Variants in DMD observed in about 807,000 individuals in gnomAD.
DMD encodes the protein mutant dystrophin.
A neutral mutation model predicts 330.1 loss-of-function variants in DMD; 63 were observed. That is an observed-to-expected ratio of 0.19 (90% CI 0.16 to 0.24). The LOEUF (loss-of-function observed/expected upper bound fraction) is 0.24. Among genes scored for constraint, DMD ranks in the 10% least tolerant of loss-of-function variants. The pLI is 1.00. For synonymous variants in DMD, 1,223 were observed against 959.8 expected (o/e 1.27, Z -5.07); for missense variants, 3,344 against 2,684.1 (o/e 1.25, Z -5.43).
intron 53 of DMD, among the ~76,000 whole-genome samples, chrX:31,666,086 T>C (rs1296723862): frequency 9.0e-6 from 1 of 111,647 alleles, no homozygotes; most frequent in Non-Finnish European, 1.9e-5. Flanking sequence ...GGTGTAGAAA[T>C]GGATGGGTGG....
intron 11 of DMD, among the ~76,000 whole-genome samples, chrX:32,633,200 C>A (rs777480218): frequency 8.9e-6 from 1 of 111,872 alleles, no homozygotes; most frequent in East Asian, 2.8e-4. Context: ...GAAGTGGCCA[C>A]ACAACGTCTT....
At chrX:32,321,782 G>A (rs1008244296) in intron 41 of DMD, among the ~76,000 whole-genome samples, 10 of 111,519 alleles carry the variant, frequency 9.0e-5, no homozygotes, top group African/African-American at 3.3e-4. Context: ...TTTGACTTAG[G>A]CATGAGAGAA....
intron 60 of DMD, among the ~76,000 whole-genome samples, chrX:31,440,196 G>A (rs190570885): frequency 5.4e-4 from 57 of 105,156 alleles, no homozygotes; most frequent in African/African-American, 1.7e-3. Context: ...TGCCCAGGCT[G>A]GAGTGCAGTG....
chrX:32,236,306 T>G (rs945212963), intron 43 of DMD, among the ~76,000 whole-genome samples: 9 of 112,492 alleles, frequency 8.0e-5, no homozygotes, highest in African/African-American at 1.6e-4. Context: ...TGGTAGGACA[T>G]GCCATCCTCA....
In DMD at chrX:32,305,760, C is replaced by G. The variant is rs140358473; in HGVS notation, c.6117+4322G>C. On this transcript the variant is annotated intron_variant, in intron 42 of 78. Coordinates refer to ENST00000357033, the MANE Select transcript of DMD (RefSeq NM_004006.3). ...AATGGCCCCAAAGGCCCTCCACAAT[C>G]TGGACACTCACAACTCCCATATCCT... Among the ~76,000 whole-genome samples, 618 of 111,329 alleles carry G rather than the reference C, an allele frequency of 5.6e-3. 5 individuals carry two copies. Among genetic ancestry groups the G allele is most frequent in the Non-Finnish European group, 7.7e-3 (408 of 52,886 alleles).
chrX:32,422,294 G>C (rs2098193298), intron 29 of DMD, among the ~76,000 whole-genome samples: 2 of 111,434 alleles, frequency 1.8e-5, no homozygotes, highest in South Asian at 7.5e-4. Flanking sequence ...TCCAAATACA[G>C]TTCTCAGCCT....
At chrX:32,804,104 G>T (rs779736768) in intron 7 of DMD, among the ~76,000 whole-genome samples, 16 of 111,013 alleles carry the variant, frequency 1.4e-4, no homozygotes, top group Non-Finnish European at 2.7e-4. Context: ...ACCCAGTGGT[G>T]CCTGGAACGC....
At chrX:32,888,648 C>T (rs763417074) in intron 2 of DMD, among the ~76,000 whole-genome samples, 1 of 111,779 alleles carries the variant, frequency 8.9e-6, no homozygotes, top group African/African-American at 3.3e-5. Context: ...ATCCAGCAAT[C>T]TCACTACTGG....
chrX:32,845,731 C>G (rs1409882200), intron 3 of DMD, among the ~76,000 whole-genome samples: 1 of 112,118 alleles, frequency 8.9e-6, no homozygotes, highest in Non-Finnish European at 1.9e-5. Context: ...ACAAAGCTGA[C>G]TGCCTGGGTT....
rs145065491 is a variant in DMD at position 32,971,434 on chromosome X, C to G, written c.93+48705G>C. Among the ~76,000 whole-genome samples the G allele has an allele frequency of 4.3e-3, 477 of 110,789 alleles. 2 individuals carry two copies. Among genetic ancestry groups the G allele is most frequent in the African/African-American group, 0.015 (454 of 30,227 alleles). On this transcript the variant is annotated intron_variant, in intron 2 of 78. Coordinates refer to ENST00000357033, the MANE Select transcript of DMD (RefSeq NM_004006.3). ...GTGGCATGTGAAGAAAAAACAGTCA[C>G]TTTGGGCCGAAAATTTCAGGGAAAA...
intron 2 of DMD, among the ~76,000 whole-genome samples, chrX:32,900,724 T>C (rs1347411904): frequency 9.0e-6 from 1 of 111,160 alleles, no homozygotes; most frequent in Non-Finnish European, 1.9e-5. Context: ...GTAAATCTTA[T>C]ATGTACATCT....
chrX:31,642,389 C>CAT (rs1364306574), intron 54 of DMD, among the ~76,000 whole-genome samples: 3 of 111,984 alleles, frequency 2.7e-5, no homozygotes, highest in Non-Finnish European at 3.8e-5. Flanking sequence ...TTATGGATAT[C>CAT]ATGTTGTAAA....
At chrX:32,346,170 C>A in intron 38 of DMD, 90 bp from the exon 39 acceptor site, 1 of 1,008,624 alleles carries the variant, frequency 9.9e-7, no homozygotes, top group Non-Finnish European at 1.4e-6. Flanking sequence ...TATTTAAACA[C>A]ACACAAAAAT....
chrX:32,956,023 C>A (rs1318561389), intron 2 of DMD, among the ~76,000 whole-genome samples: 1 of 111,348 alleles, frequency 9.0e-6, no homozygotes, highest in Non-Finnish European at 1.9e-5. Flanking sequence ...GCTACTTGGG[C>A]TCTTTTTTTT....
chrX:32,444,399 T>TATTATAGA (rs1464508342), intron 27 of DMD, among the ~76,000 whole-genome samples: 3 of 110,492 alleles, frequency 2.7e-5, no homozygotes, highest in African/African-American at 9.9e-5. Context: ...AGGCAATTCC[T>TATTATAGA]ATTATAGATG....
intron 22 of DMD, among the ~76,000 whole-genome samples, chrX:32,470,243 A>C (rs1018365020): frequency 4.5e-5 from 5 of 111,259 alleles, no homozygotes; most frequent in Non-Finnish European, 9.4e-5. Flanking sequence ...ACAGAAAAAA[A>C]AAGATTCCTT....
intron 21 of DMD, among the ~76,000 whole-genome samples, chrX:32,476,422 C>A (rs947785577): frequency 1.5e-4 from 17 of 111,254 alleles, no homozygotes; most frequent in Non-Finnish European, 2.3e-4. Context: ...CTTGGAAATT[C>A]TTTTGTAGCT....
At chrX:31,125,379 C>A (rs2033497094) in intron 78 of DMD, among the ~76,000 whole-genome samples, 2 of 112,019 alleles carry the variant, frequency 1.8e-5, no homozygotes, top group Admixed American at 9.5e-5. Context: ...CACAGACACA[C>A]TGAAGAATCA....
chrX:31,429,570 T>C (rs2148990746), intron 60 of DMD, among the ~76,000 whole-genome samples: 1 of 111,861 alleles, frequency 8.9e-6, no homozygotes, highest in South Asian at 3.7e-4. Context: ...ACAGGGCAGA[T>C]CACTTTCCCC....
Sources: gnomAD v4.1 joint callset for allele counts (sites outside exome capture counted in the v4.1 genomes callset) on GRCh38, gnomAD v4.1.1 for gene constraint, MANE v1.5 for transcripts, NCBI Gene and HGNC (gene_info 2026-07-23, HGNC 2026-07-21) for gene names.